Variants in LPP observed in about 807,000 individuals in gnomAD.
The protein encoded by LPP is lipoma-preferred partner.
A neutral mutation model predicts 60.4 loss-of-function variants in LPP; 38 were observed. That is an observed-to-expected ratio of 0.63 (90% CI 0.49 to 0.83). LPP has a LOEUF of 0.83. Ranked by LOEUF, LPP falls within the 40% of genes least tolerant of loss-of-function variation. LPP has a pLI of 0.00. For synonymous variants in LPP, 328 were observed against 290.8 expected (o/e 1.13, Z -1.30); for missense variants, 902 against 783.6 (o/e 1.15, Z -1.80).
chr3:188,286,921 ATGGGATTTCT>A (rs1744117477), intron 2 of LPP, among the ~76,000 whole-genome samples: 1 of 151,986 alleles, frequency 6.6e-6, no homozygotes, highest in Non-Finnish European at 1.5e-5. Flanking sequence ...TATTTTTGAG[ATGGGATTTCT>A]CTCTTGTTGC....
At chr3:188,667,960 G>A (rs1856162305) in intron 7 of LPP, among the ~76,000 whole-genome samples, 1 of 151,980 alleles carries the variant, frequency 6.6e-6, no homozygotes, top group Admixed American at 6.6e-5. Context: ...AGGTTAGACA[G>A]TGACTCGAGT....
At chr3:188,421,281 A>G (rs753605875) in intron 4 of LPP, among the ~76,000 whole-genome samples, 9 of 152,180 alleles carry the variant, frequency 5.9e-5, no homozygotes, top group Admixed American at 2.6e-4. Flanking sequence ...ATGATGATTC[A>G]TCAGTGCAGT....
In LPP at chr3:188,596,518, A is replaced by C. The variant is rs568011175; in HGVS notation, c.430-12643A>C. ...TGAAGAACAAATACGTTAGAAGAAG[A>C]ATTTTTTTCTCCTATACAATCTACA... On this transcript the variant is annotated intron_variant, in intron 6 of 11. Transcript: ENST00000617246. 7.2e-5 allele frequency among the ~76,000 whole-genome samples: 11 copies of C among 152,272 alleles called. No individual in the cohort carries two copies. The South Asian group carries it at 2.3e-3, about 32-fold the overall frequency.
chr3:188,205,629 C>G (rs1324541649), intron 1 of LPP, among the ~76,000 whole-genome samples: 3 of 152,146 alleles, frequency 2.0e-5, no homozygotes, highest in Admixed American at 6.5e-5. Flanking sequence ...TTCTTTCTTC[C>G]TTGCTGCACC....
At chr3:188,593,696 C>T (rs915338777) in intron 6 of LPP, among the ~76,000 whole-genome samples, 4 of 152,270 alleles carry the variant, frequency 2.6e-5, no homozygotes, top group South Asian at 4.1e-4. Context: ...ATACGATGTT[C>T]GGTTTCCCAT....
intron 1 of LPP, among the ~76,000 whole-genome samples, chr3:188,210,728 G>A (rs944096493): frequency 6.6e-6 from 1 of 152,160 alleles, no homozygotes; most frequent in African/African-American, 2.4e-5. Flanking sequence ...TTGGTCTTTG[G>A]TTTTTAAAGC....
chr3:188,664,345 T>C (rs1855286289), intron 7 of LPP, among the ~76,000 whole-genome samples: 1 of 152,240 alleles, frequency 6.6e-6, no homozygotes, highest in Admixed American at 6.5e-5. Context: ...CCGCTAAATG[T>C]GTAAAACCTA....
chr3:188,262,607 G>A (rs1734037664), intron 2 of LPP, among the ~76,000 whole-genome samples: 1 of 151,088 alleles, frequency 6.6e-6, no homozygotes, highest in Admixed American at 6.6e-5. Flanking sequence ...GTATATTTTT[G>A]ACACCCCCTC....
chr3:188,243,961 C>T (rs1330382540), intron 2 of LPP, among the ~76,000 whole-genome samples: 1 of 152,154 alleles, frequency 6.6e-6, no homozygotes, highest in African/African-American at 2.4e-5. Context: ...CCACAACCTC[C>T]ACTTCCCGGG....
chr3:188,874,445 G>C lies in LPP; in HGVS notation c.1805G>C (p.Arg602Thr), dbSNP rs1273752393. The change falls in exon 12 of 12, where the codon AGG (arginine) becomes ACG (threonine). Residue 602 changes from arginine (R) to threonine (T), a missense_variant. Transcript: ENST00000617246. ...LCKTCNSARI[R>T]VLTAKASTDL ...AAGACCTGCAACTCTGCCCGCATCAGGGTGTTGACCGCCAAGGCGAGCACT... is the reference window on the plus strand; with the variant it reads ...AAGACCTGCAACTCTGCCCGCATCACGGTGTTGACCGCCAAGGCGAGCACT... 1 of 1,614,092 alleles carries C rather than the reference G, an allele frequency of 6.2e-7. No homozygotes were observed. The highest frequency in any genetic ancestry group is 8.5e-7 in the Non-Finnish European group (1 of 1,180,034).
At chr3:188,788,684 A>G (rs776705277) in intron 9 of LPP, among the ~76,000 whole-genome samples, 2 of 152,168 alleles carry the variant, frequency 1.3e-5, no homozygotes, top group African/African-American at 2.4e-5. Context: ...GAAGGATGAC[A>G]TCACTGACTA....
chr3:188,311,104 G>A (rs573899524), intron 2 of LPP, among the ~76,000 whole-genome samples: 10 of 151,856 alleles, frequency 6.6e-5, no homozygotes, highest in East Asian at 3.9e-4. Context: ...CTGATATGCC[G>A]TATTAAGTTG....
chr3:188,407,232 C>G (rs576869984), intron 4 of LPP, among the ~76,000 whole-genome samples: 1 of 152,272 alleles, frequency 6.6e-6, no homozygotes, highest in East Asian at 1.9e-4. Context: ...CCAGTTGCTT[C>G]TTGGATGACA....
At chr3:188,712,623 T>C (rs989061249) in intron 8 of LPP, 1 of 152,258 alleles carries the variant, frequency 6.6e-6, no homozygotes, top group Non-Finnish European at 1.5e-5. Context: ...TTCCCTTAAA[T>C]AACTTCTCTT....
intron 9 of LPP, among the ~76,000 whole-genome samples, chr3:188,835,592 C>A (rs938079689): frequency 1.3e-5 from 2 of 151,982 alleles, no homozygotes; most frequent in African/African-American, 4.8e-5. Context: ...GCACTCCAGC[C>A]TAGGTGACAG....
intron 2 of LPP, among the ~76,000 whole-genome samples, chr3:188,300,096 G>A (rs1749261310): frequency 6.6e-6 from 1 of 152,126 alleles, no homozygotes; most frequent in Admixed American, 6.5e-5. Context: ...AAAGTATGAT[G>A]AAAATTAAAA....
intron 9 of LPP, among the ~76,000 whole-genome samples, chr3:188,832,581 A>G (rs954605199): frequency 6.6e-6 from 1 of 152,204 alleles, no homozygotes; most frequent in Non-Finnish European, 1.5e-5. Context: ...TTAGCCAACA[A>G]TCAAAACCTA....
intron 2 of LPP, among the ~76,000 whole-genome samples, chr3:188,327,081 A>G (rs1285745774): frequency 6.6e-6 from 1 of 152,206 alleles, no homozygotes; most frequent in Non-Finnish European, 1.5e-5. Context: ...GTATCAACTC[A>G]TTTGACCACA....
chr3:188,399,580 A>G (rs1436328887), intron 3 of LPP, among the ~76,000 whole-genome samples: 1 of 152,206 alleles, frequency 6.6e-6, no homozygotes, highest in African/African-American at 2.4e-5. Context: ...ACCAAGAGCT[A>G]GGCCTTGAGT....
Sources: allele counts gnomAD v4.1 joint callset (sites outside exome capture counted in the v4.1 genomes callset), GRCh38; gene constraint gnomAD v4.1.1; transcripts MANE v1.5; gene names NCBI Gene and HGNC (gene_info 2026-07-23, HGNC 2026-07-21).